Variants in CCBE1 observed in about 807,000 individuals in gnomAD.
The protein encoded by CCBE1 is collagen and calcium binding EGF domains 1, also known as collagen and calcium-binding EGF domain-containing protein 1.
In CCBE1, 37 loss-of-function variants were observed where a neutral mutation model predicts 50.0. The ratio of observed to expected loss-of-function variants is 0.74; its 90% CI spans 0.57 to 0.97. The LOEUF is 0.97. Ranked by LOEUF, CCBE1 falls within the 50% of genes least tolerant of loss-of-function variation. The probability of loss-of-function intolerance (pLI) is 0.00; values close to 1 mark genes in which losing one functional copy is unlikely to be tolerated. For synonymous variants in CCBE1, 234 were observed against 203.7 expected (o/e 1.15, Z -1.27); for missense variants, 538 against 523.8 (o/e 1.03, Z -0.26).
intron 2 of CCBE1, among the ~76,000 whole-genome samples, chr18:59,662,974 C>G (rs2054305201): frequency 6.6e-6 from 1 of 152,060 alleles, no homozygotes. Context: ...CTCACTATAG[C>G]AAAACAAAAC....
At chr18:59,586,440 C>T (rs148423936) in intron 2 of CCBE1, among the ~76,000 whole-genome samples, 6 of 152,100 alleles carry the variant, frequency 3.9e-5, no homozygotes, top group Non-Finnish European at 8.8e-5. Flanking sequence ...GGGGAGTGGC[C>T]CCCACTGTGT....
At chr18:59,488,624 G>A (rs1912939163) in intron 2 of CCBE1, among the ~76,000 whole-genome samples, 1 of 152,118 alleles carries the variant, frequency 6.6e-6, no homozygotes, top group African/African-American at 2.4e-5. Flanking sequence ...CTGGGCACTG[G>A]GCCTTGGGAA....
intron 6 of CCBE1, among the ~76,000 whole-genome samples, chr18:59,453,145 A>C (rs1322257397): frequency 6.6e-6 from 1 of 152,238 alleles, no homozygotes; most frequent in African/African-American, 2.4e-5. Context: ...CTGTTCCTAA[A>C]GATCATCCTG....
intron 2 of CCBE1, among the ~76,000 whole-genome samples, chr18:59,510,545 T>C (rs147908709): frequency 0.025 from 3,877 of 152,150 alleles, 133 homozygotes; most frequent in African/African-American, 0.084. Context: ...TCTCAGCGTC[T>C]CAAGTAGCTG....
Position 59,432,103 on chromosome 18 carries a change from A to G in CCBE1, c.*3805T>C, listed in dbSNP as rs4940462. Reference sequence around the variant, plus strand: ...CGAGTAGCTGAGACTACAGGCGTGCACCACCACGCCTGGCTAATTTTTTTT... The same window carrying G: ...CGAGTAGCTGAGACTACAGGCGTGCGCCACCACGCCTGGCTAATTTTTTTT... On this transcript the variant is annotated 3_prime_UTR_variant, in exon 11 of 11. Transcript: ENST00000439986. The G allele has an allele frequency of 0.83, 126,371 of 152,010 alleles. 52,642 individuals carry two copies. Among genetic ancestry groups the G allele is most frequent in the South Asian group, 0.91 (4,374 of 4,810 alleles). 9.4% of individuals were successfully genotyped at this position (152,010 alleles called of 1,614,324 possible).
intron 2 of CCBE1, among the ~76,000 whole-genome samples, chr18:59,507,897 C>CT (rs113598829): frequency 0.27 from 38,665 of 143,684 alleles, 5,350 homozygotes; most frequent in Middle Eastern, 0.32. Flanking sequence ...CTTTCTTTTC[C>CT]TTTTTTTTTT....
intron 2 of CCBE1, chr18:59,568,705 T>A (rs572574829): frequency 6.6e-6 from 1 of 152,354 alleles, no homozygotes; most frequent in African/African-American, 2.4e-5. Context: ...GATGGGCATG[T>A]GTTTCCTTCC....
intron 2 of CCBE1, among the ~76,000 whole-genome samples, chr18:59,508,758 C>T (rs35171122): frequency 0.023 from 2,809 of 122,770 alleles, 114 homozygotes; most frequent in East Asian, 0.22. Flanking sequence ...CTCTGTTTCC[C>T]AAGGCTGAAG....
chr18:59,608,588 C>T (rs928468728), intron 2 of CCBE1, among the ~76,000 whole-genome samples: 12 of 152,136 alleles, frequency 7.9e-5, no homozygotes, highest in Non-Finnish European at 1.5e-4. Context: ...TCTTTGAAGT[C>T]AAATTTGTCA....
At chr18:59,626,334 G>A (rs2053784396) in intron 2 of CCBE1, among the ~76,000 whole-genome samples, 1 of 152,170 alleles carries the variant, frequency 6.6e-6, no homozygotes, top group South Asian at 2.1e-4. Flanking sequence ...TTTCCTTAAG[G>A]TGAAATGTCC....
chr18:59,586,313 G>T (rs1432631949), intron 2 of CCBE1, among the ~76,000 whole-genome samples: 1 of 152,164 alleles, frequency 6.6e-6, no homozygotes, highest in Non-Finnish European at 1.5e-5. Flanking sequence ...CATGAAAATA[G>T]TGTGTGTATG....
intron 2 of CCBE1, chr18:59,563,928 G>A (rs966113203): frequency 5.3e-5 from 8 of 152,368 alleles, no homozygotes; most frequent in Admixed American, 5.2e-4. Flanking sequence ...GGCGTCTCAG[G>A]AAGGGAGAAT....
chr18:59,439,856 G>C (rs758203903), intron 7 of CCBE1, 40 bp from the exon 8 acceptor site: 1 of 1,610,412 alleles, frequency 6.2e-7, no homozygotes, highest in African/African-American at 1.3e-5. Context: ...CAGCACATGA[G>C]AAGGACAAAG....
At chr18:59,497,055 T>C (rs1027968281) in intron 2 of CCBE1, among the ~76,000 whole-genome samples, 6 of 152,212 alleles carry the variant, frequency 3.9e-5, no homozygotes, top group African/African-American at 1.4e-4. Context: ...TTTTGAACAT[T>C]AAATGAGATA....
chr18:59,688,913 T>C (rs1271537281), intron 2 of CCBE1, among the ~76,000 whole-genome samples: 2 of 152,138 alleles, frequency 1.3e-5, no homozygotes, highest in African/African-American at 4.8e-5. Context: ...GACATGTGGA[T>C]GAGGTGTTAT....
chr18:59,611,761 A>G lies in CCBE1; in HGVS notation c.212+84868T>C, dbSNP rs183398352. 3.2e-3 allele frequency among the ~76,000 whole-genome samples: 480 copies of G among 152,254 alleles called. 2 individuals carry two copies. Among genetic ancestry groups the G allele is most frequent in the Non-Finnish European group, 4.8e-3 (329 of 68,022 alleles). On this transcript the variant is annotated intron_variant, in intron 2 of 10. Transcript: ENST00000439986. The stretch of plus-strand genomic sequence containing the variant: ...ACTCTGTCTTAAAAAAAAAAATAAA[A>G]AAAGGAAGCATTTTTCTGTATACCA...
chr18:59,614,433 C>G (rs2053612956), intron 2 of CCBE1, among the ~76,000 whole-genome samples: 1 of 152,232 alleles, frequency 6.6e-6, no homozygotes, highest in Non-Finnish European at 1.5e-5. Context: ...TTAAAACACA[C>G]TTAGCCACTA....
Position 59,696,773 on chromosome 18 carries a change from C to A in CCBE1, c.132-64G>T, listed in dbSNP as rs995901609. ...GGAGAGCGGAGGCGGGCAGCGCGCGCTGGGGAATCCCTGGCGCGTGGGGAT... is the reference window on the plus strand; with the variant it reads ...GGAGAGCGGAGGCGGGCAGCGCGCGATGGGGAATCCCTGGCGCGTGGGGAT... On this transcript the variant is annotated intron_variant, in intron 1 of 10. Coordinates refer to ENST00000439986, the MANE Select transcript of CCBE1 (RefSeq NM_133459.4). 3.2e-6 allele frequency: 5 copies of A among 1,551,470 alleles called. No individual in the cohort carries two copies. The Admixed American group carries it at 8.4e-5, about 26-fold the overall frequency.
At position 59,486,402 on chromosome 18, in the gene CCBE1, AG is replaced by A. The variant is rs1160859864; in HGVS notation, c.213-6165del. 4.6e-5 allele frequency among the ~76,000 whole-genome samples: 7 copies of A among 152,214 alleles called. No individual in the cohort carries two copies. The East Asian group carries it at 1.3e-3, about 29-fold the overall frequency. On this transcript the variant is annotated intron_variant, in intron 2 of 10. Transcript: ENST00000439986. ...GGGAAGAAATAGGGGGAAGACAAGT[AG>A]GGGGAGAAATTTTTGATTTCAAGAG...
Sources: allele counts gnomAD v4.1 joint callset (sites outside exome capture counted in the v4.1 genomes callset), GRCh38; gene constraint gnomAD v4.1.1; transcripts MANE v1.5; gene names NCBI Gene and HGNC (gene_info 2026-07-23, HGNC 2026-07-21).